Variants in ATP10B observed in about 807,000 individuals in gnomAD.
ATP10B encodes phospholipid-transporting ATPase VB.
ATP10B carries 122 observed loss-of-function variants against 141.2 expected under a neutral mutation model. That is an observed-to-expected ratio of 0.86 (90% CI 0.75 to 1.00). The LOEUF (loss-of-function observed/expected upper bound fraction) is 1.00, where lower values mean the gene tolerates loss of function less well. Ranked by LOEUF, ATP10B falls within the 50% of genes least tolerant of loss-of-function variation. ATP10B has a pLI of 0.00. For missense variants in ATP10B, 1,876 were observed against 1,825.3 expected, an observed-to-expected ratio of 1.03 and a Z score of -0.51; for synonymous variants, 685 against 692.0, an observed-to-expected ratio of 0.99 and a Z score of 0.16.
At chr5:160,668,226 CAAAAAAAAAAA>C (rs34528836) in intron 7 of ATP10B, among the ~76,000 whole-genome samples, 2,417 of 112,748 alleles carry the variant, frequency 0.021, 73 homozygotes, top group African/African-American at 0.075. Context: ...CGAGACTGTC[CAAAAAAAAAAA>C]AAAAAAAAAG....
At chr5:160,921,974 C>T in the ATP10B span, among the ~76,000 whole-genome samples, 1 of 152,366 alleles carries the variant, frequency 6.6e-6, no homozygotes, top group Admixed American at 6.5e-5. Context: ...GCCTAGGCCT[C>T]TTACAGGATT....
rs1456444884 is a variant in ATP10B, at chr5:160,564,558, A to T, written c.*895T>A. 3.3e-5 allele frequency: 5 copies of T among 152,140 alleles called. No homozygotes were observed. Among genetic ancestry groups the T allele is most frequent in the Admixed American group, 6.5e-5 (1 of 15,272 alleles). 9.4% of individuals were successfully genotyped at this position (152,140 alleles called of 1,614,324 possible). On this transcript the variant is annotated 3_prime_UTR_variant, in exon 26 of 26. Coordinates refer to ENST00000327245, the MANE Select transcript of ATP10B (RefSeq NM_025153.3). ...CAGGGTTGCCCTATCATATGGGCCT[A>T]TTCTGGGTGCAGATGTGCTTATATC...
the ATP10B span, among the ~76,000 whole-genome samples, chr5:160,881,910 T>C: frequency 5.5e-3 from 839 of 152,284 alleles, 9 homozygotes; most frequent in African/African-American, 0.019. Context: ...CTGTGGTACA[T>C]GTACACAATG....
the ATP10B span, among the ~76,000 whole-genome samples, chr5:160,926,406 T>C: frequency 2.6e-5 from 4 of 152,190 alleles, no homozygotes; most frequent in African/African-American, 7.2e-5. Context: ...TGGCTTCTAA[T>C]TCAAAATTTA....
At chr5:160,627,591 T>G (rs1379903554) in intron 13 of ATP10B, among the ~76,000 whole-genome samples, 1 of 152,152 alleles carries the variant, frequency 6.6e-6, no homozygotes, top group African/African-American at 2.4e-5. Context: ...ACTGGCCAAT[T>G]TAGCAATTAT....
chr5:160,899,462 G>T, the ATP10B span, among the ~76,000 whole-genome samples: 1 of 151,970 alleles, frequency 6.6e-6, no homozygotes, highest in Non-Finnish European at 1.5e-5. Context: ...TGTGTTTTTG[G>T]TCTTCATTGT....
chr5:160,632,044 C>A, intron 13 of ATP10B, 85 bp downstream of exon 13: 1 of 1,293,838 alleles, frequency 7.7e-7, no homozygotes, highest in Non-Finnish European at 1.1e-6. Flanking sequence ...AGGGTTTGTA[C>A]AATTTTTTCT....
chr5:160,894,201 A>T, the ATP10B span, among the ~76,000 whole-genome samples: 45 of 152,096 alleles, frequency 3.0e-4, no homozygotes, highest in African/African-American at 9.7e-4. Context: ...AATGAGTTTG[A>T]TGAATGAGCC....
chr5:160,727,389 T>C (rs1766436570), intron 2 of ATP10B, among the ~76,000 whole-genome samples: 1 of 152,144 alleles, frequency 6.6e-6, no homozygotes, highest in South Asian at 2.1e-4. Context: ...AGCACACGCA[T>C]TTCCCGGTAT....
chr5:160,808,965 T>C (rs1772966725), intron 1 of ATP10B, among the ~76,000 whole-genome samples: 1 of 152,206 alleles, frequency 6.6e-6, no homozygotes, highest in Non-Finnish European at 1.5e-5. Flanking sequence ...TTGCTGGCAG[T>C]CTCTAGTATT....
Position 160,649,231 on chromosome 5 carries a change from A to C in ATP10B, c.701T>G (p.Phe234Cys), listed in dbSNP as rs780497288. The change falls in exon 8 of 26, where the codon TTC becomes TGC. Residue 234 changes from phenylalanine (F) to cysteine (C), a missense_variant. By Grantham distance (205) the Phe-to-Cys change is radical. Transcript: ENST00000327245. ...QQEVQFEPEL[F>C]HNTIVCEKPN... ...TTTCTCACACACGATGGTATTGTGG[A>C]AAAGCTCTGGTTCGAACTGTACCTC... is the stretch of plus-strand genomic sequence containing the variant. The C allele has an allele frequency of 1.2e-6, 2 of 1,614,022 alleles. No homozygotes were observed.
At chr5:160,858,531 G>GA in the ATP10B span, among the ~76,000 whole-genome samples, 3 of 151,836 alleles carry the variant, frequency 2.0e-5, no homozygotes, top group Admixed American at 2.0e-4. Flanking sequence ...GTAACTGGAG[G>GA]AAAAAGGCAG....
At chr5:160,808,386 A>G (rs1324321733) in intron 1 of ATP10B, among the ~76,000 whole-genome samples, 1 of 152,160 alleles carries the variant, frequency 6.6e-6, no homozygotes, top group Non-Finnish European at 1.5e-5. Flanking sequence ...TGTCTCTGAG[A>G]GTTATCAGAG....
intron 1 of ATP10B, among the ~76,000 whole-genome samples, chr5:160,813,184 G>A (rs1773298999): frequency 1.3e-5 from 2 of 152,366 alleles, no homozygotes; most frequent in African/African-American, 2.4e-5. Context: ...GCAGGGCGAG[G>A]CATCGCCTCA....
intron 7 of ATP10B, among the ~76,000 whole-genome samples, chr5:160,663,507 C>A (rs1414064740): frequency 6.6e-6 from 1 of 152,096 alleles, no homozygotes; most frequent in African/African-American, 2.4e-5. Flanking sequence ...GATGAAGCTG[C>A]AAACCATCAT....
intron 2 of ATP10B, among the ~76,000 whole-genome samples, chr5:160,733,744 G>C (rs1471010452): frequency 6.7e-6 from 1 of 149,698 alleles, no homozygotes; most frequent in East Asian, 2.0e-4. Context: ...GAAATGATTA[G>C]AACAACATGT....
rs547593928 is a variant in ATP10B, at chr5:160,627,913, TG to T, written c.1620+4215del. On this transcript the variant is annotated intron_variant, in intron 13 of 25. Transcript: ENST00000327245. ...CTAATCGTTGTTGTGCCTGAGGTGG[TG>T]GGAAGAGAGGAGGGAGGGACACTTA... Among the ~76,000 whole-genome samples, 294 of 152,222 alleles carry T rather than the reference TG, an allele frequency of 1.9e-3. 1 individual carries two copies. Among genetic ancestry groups the T allele is most frequent in the African/African-American group, 6.8e-3 (283 of 41,534 alleles).
chr5:160,677,547 A>AT (rs969755328), intron 6 of ATP10B, among the ~76,000 whole-genome samples: 4 of 151,998 alleles, frequency 2.6e-5, no homozygotes, highest in Non-Finnish European at 5.9e-5. Context: ...ATGGTTAAAG[A>AT]TTTTTTTGTC....
At chr5:160,878,642 A>C in the ATP10B span, among the ~76,000 whole-genome samples, 5 of 152,312 alleles carry the variant, frequency 3.3e-5, no homozygotes, top group South Asian at 1.0e-3. Context: ...CTCATCTGAC[A>C]AAGGGCTAAT....
Sources: gnomAD v4.1 joint callset for allele counts (sites outside exome capture counted in the v4.1 genomes callset) on GRCh38, gnomAD v4.1.1 for gene constraint, MANE v1.5 for transcripts, NCBI Gene and HGNC (gene_info 2026-07-23, HGNC 2026-07-21) for gene names.